The following MGME1 variants were observed in gnomAD, a reference collection of about 807,000 sequenced individuals.
The protein encoded by MGME1 is mitochondrial genome maintenance exonuclease 1, also known as chromosome 20 open reading frame 72.
MGME1 carries 22 observed loss-of-function variants against 33.0 expected under a neutral mutation model. That is an observed-to-expected ratio of 0.67 (90% CI 0.48 to 0.95). The LOEUF is 0.95. Among genes scored for constraint, MGME1 ranks in the 40% least tolerant of loss-of-function variants. MGME1 has a pLI of 0.00. For synonymous variants in MGME1, 133 were observed against 144.0 expected (o/e 0.92, Z 0.55); for missense variants, 383 against 397.8 (o/e 0.96, Z 0.32).
chr20:17,976,394 G>T (rs1048421103), intron 3 of MGME1, among the ~76,000 whole-genome samples: 6 of 152,182 alleles, frequency 3.9e-5, no homozygotes, highest in African/African-American at 1.4e-4. Flanking sequence ...AAAGTGCTGG[G>T]ATTACAGGCG....
At chr20:17,982,654 A>G (rs1327254620) in intron 3 of MGME1, among the ~76,000 whole-genome samples, 1 of 152,182 alleles carries the variant, frequency 6.6e-6, no homozygotes, top group African/African-American at 2.4e-5. Context: ...AATTTTGATA[A>G]CATTGTATTT....
chr20:17,979,004 C>T (rs545244907), intron 3 of MGME1, among the ~76,000 whole-genome samples: 12 of 152,100 alleles, frequency 7.9e-5, no homozygotes, highest in African/African-American at 1.7e-4. Flanking sequence ...TCTCGAGCTC[C>T]GGGCCTTGAG....
intron 3 of MGME1, among the ~76,000 whole-genome samples, chr20:17,982,612 T>G (rs1268614618): frequency 6.6e-6 from 1 of 152,208 alleles, no homozygotes; most frequent in African/African-American, 2.4e-5. Flanking sequence ...ACCAAGAATA[T>G]GAGTGAATAC....
At chr20:17,979,224 G>A (rs1367852355) in intron 3 of MGME1, among the ~76,000 whole-genome samples, 1 of 151,168 alleles carries the variant, frequency 6.6e-6, no homozygotes, top group African/African-American at 2.4e-5. Flanking sequence ...CCACAGATGC[G>A]AACAACCACG....
intron 1 of MGME1, among the ~76,000 whole-genome samples, chr20:17,969,394 G>A (rs1266203059): frequency 6.6e-6 from 1 of 152,250 alleles, no homozygotes; most frequent in Admixed American, 6.5e-5. Flanking sequence ...GGTAGAGGGT[G>A]TGAGGACCAA....
intron 3 of MGME1, among the ~76,000 whole-genome samples, chr20:17,982,192 G>A (rs1250478490): frequency 3.3e-5 from 5 of 152,278 alleles, no homozygotes; most frequent in South Asian, 4.1e-4. Flanking sequence ...GAAATGGTGC[G>A]GCACCGCAAC....
intron 2 of MGME1, among the ~76,000 whole-genome samples, chr20:17,974,193 T>C (rs2035802914): frequency 6.6e-6 from 1 of 151,090 alleles, no homozygotes; most frequent in African/African-American, 2.4e-5. Flanking sequence ...GCCTCCAGAG[T>C]AGCTGGAATT....
Position 17,976,495 on chromosome 20 carries a change from G to A in MGME1, c.731+592G>A, listed in dbSNP as rs527385986. Among the ~76,000 whole-genome samples, 12 of 152,226 alleles carry A rather than the reference G, an allele frequency of 7.9e-5. No homozygotes were observed. In the South Asian group the frequency reaches 2.3e-3, roughly 29 times the overall value. ...TCCCCTCCCCCAAAGCAAGGTACCT[G>A]CCATAAGATCCAATTTCATTCCTGC... On this transcript the variant is annotated intron_variant, in intron 3 of 4. Transcript: ENST00000377710.
At chr20:17,985,036 C>CAAAA (rs535060718) in intron 3 of MGME1, among the ~76,000 whole-genome samples, 14 of 103,110 alleles carry the variant, frequency 1.4e-4, no homozygotes, top group African/African-American at 2.0e-4. Flanking sequence ...GACTTTGTCT[C>CAAAA]AAAAAAAAAA....
intron 3 of MGME1, among the ~76,000 whole-genome samples, chr20:17,980,190 T>C (rs2035974295): frequency 6.6e-6 from 1 of 151,796 alleles, no homozygotes; most frequent in Admixed American, 6.6e-5. Context: ...CATACCCAGC[T>C]CATTTTTGTA....
intron 3 of MGME1, among the ~76,000 whole-genome samples, chr20:17,984,853 C>T (rs1052753137): frequency 5.3e-5 from 8 of 151,014 alleles, no homozygotes; most frequent in Non-Finnish European, 7.4e-5. Context: ...CTAGGCAACA[C>T]GATGAAACTC....
rs750295790 is a variant in MGME1 at position 17,990,178 on chromosome 20, C to T, written c.*69C>T. On this transcript the variant is annotated 3_prime_UTR_variant, in exon 5 of 5. Coordinates refer to ENST00000377710, the MANE Select transcript of MGME1 (RefSeq NM_052865.4). Reference sequence around the variant, plus strand: ...TTGGGAACATATATTGCTGTTTACTCCAGTGTAAAAATGAGGTGCCACTGG... The same window carrying T: ...TTGGGAACATATATTGCTGTTTACTTCAGTGTAAAAATGAGGTGCCACTGG... The T allele has an allele frequency of 4.3e-6, 6 of 1,398,876 alleles. No individual in the cohort carries two copies. In the Admixed American group the frequency reaches 8.6e-5, roughly 20 times the overall value. 86.7% of individuals were successfully genotyped at this position (1,398,876 alleles called of 1,614,324 possible). A position where few individuals can be genotyped will look rare whatever the true frequency, so the allele number is the denominator to read the frequency against.
intron 3 of MGME1, among the ~76,000 whole-genome samples, chr20:17,987,169 CTAA>C (rs1568616692): frequency 0.085 from 8,169 of 95,890 alleles, 763 homozygotes; most frequent in African/African-American, 0.27. Context: ...GAGACTCCAT[CTAA>C]AAAAAAAAAA....
Position 17,970,083 on chromosome 20 carries a change from A to T in MGME1, c.224A>T (p.Asp75Val). The change falls in exon 2 of 5, where the codon GAT becomes GTT. Residue 75 changes from aspartate (D) to valine (V), a missense_variant. Coordinates refer to ENST00000377710, the MANE Select transcript of MGME1 (RefSeq NM_052865.4). ...CAGACCCCGGGATCGGTGGAGGAAG[A>T]TGCTTTGCTCTGTGGACCCGTGAGC... Reference protein sequence around the residue: ...VAQTPGSVEEDALLCGPVSKH... With the variant: ...VAQTPGSVEEVALLCGPVSKH... 4 of 1,614,240 alleles carry T rather than the reference A, an allele frequency of 2.5e-6. No homozygotes were observed. Among genetic ancestry groups the T allele is most frequent in the Non-Finnish European group, 3.4e-6 (4 of 1,180,052 alleles).
At position 17,969,995 on chromosome 20, in the gene MGME1, G is replaced by A. The variant is rs953245557; in HGVS notation, c.136G>A (p.Glu46Lys). Residue 46 changes from glutamate (E) to lysine (K), a missense_variant, in exon 2 of 5, where the codon GAA (glutamate) becomes AAA (lysine). Physicochemically the swap from Glu to Lys is moderately conservative, Grantham distance 56. Transcript: ENST00000377710. ...GAAGAAAAAAGTGAACCCATATGAA[G>A]AAGTGGACCAAGAAAAATACTCTAA... Reference protein sequence around the residue: ...GRKKKVNPYEEVDQEKYSNLV... With the variant: ...GRKKKVNPYEKVDQEKYSNLV... The A allele has an allele frequency of 5.0e-6, 8 of 1,614,044 alleles. No individual in the cohort carries two copies. The highest frequency in any genetic ancestry group is 5.1e-6 in the Non-Finnish European group (6 of 1,180,034).
intron 3 of MGME1, among the ~76,000 whole-genome samples, chr20:17,983,767 C>T (rs1387052955): frequency 6.6e-6 from 1 of 152,110 alleles, no homozygotes; most frequent in Non-Finnish European, 1.5e-5. Context: ...TCATTGAGCT[C>T]CTTTGCCCAT....
chr20:17,971,995 C>G (rs867080009), intron 2 of MGME1, among the ~76,000 whole-genome samples: 4 of 152,104 alleles, frequency 2.6e-5, no homozygotes, highest in Non-Finnish European at 5.9e-5. Context: ...CCTCGGCCTC[C>G]CAGAATACTG....
chr20:17,989,781 T>G lies in MGME1; in HGVS notation c.865-158T>G, dbSNP rs529503004. Among the ~76,000 whole-genome samples the G allele has an allele frequency of 5.6e-3, 846 of 152,136 alleles. 4 individuals carry two copies. The highest frequency in any genetic ancestry group is 0.019 in the African/African-American group (798 of 41,504). ...TTTATCTGTCATCTTTGTGTTCTTG[T>G]GTCCTGGTGCAGTCTTTGATCAACC... On this transcript the variant is annotated intron_variant, in intron 4 of 4. Transcript: ENST00000377710.
At chr20:17,986,318 C>G (rs2036153926) in intron 3 of MGME1, among the ~76,000 whole-genome samples, 1 of 152,104 alleles carries the variant, frequency 6.6e-6, no homozygotes, top group Non-Finnish European at 1.5e-5. Flanking sequence ...ATCTGCCCAC[C>G]TTGGCCTCCC....
Sources: allele counts gnomAD v4.1 joint callset (sites outside exome capture counted in the v4.1 genomes callset), GRCh38; gene constraint gnomAD v4.1.1; transcripts MANE v1.5; gene names NCBI Gene and HGNC (gene_info 2026-07-23, HGNC 2026-07-21).